Variants in GABRA2 observed in about 807,000 individuals in gnomAD.
GABRA2 encodes gamma-aminobutyric acid receptor subunit alpha-2.
In GABRA2, 16 loss-of-function variants were observed where a neutral mutation model predicts 48.7. That is an observed-to-expected ratio of 0.33 (90% CI 0.22 to 0.50). GABRA2 has a LOEUF of 0.50. Ranked by LOEUF, GABRA2 falls within the 20% of genes least tolerant of loss-of-function variation. The pLI is 0.98. For missense variants in GABRA2, 275 were observed against 535.6 expected (o/e 0.51, Z 4.80); for synonymous variants, 185 against 184.5 (o/e 1.00, Z -0.02).
chr4:46,301,497 TTCTA>T (rs1725727393), intron 8 of GABRA2, among the ~76,000 whole-genome samples: 1 of 152,126 alleles, frequency 6.6e-6, no homozygotes, highest in Non-Finnish European at 1.5e-5. Context: ...TCAAACTATT[TTCTA>T]TCTATGTCTC....
chr4:46,360,615 T>C (rs1170369569), intron 3 of GABRA2, among the ~76,000 whole-genome samples: 2 of 152,208 alleles, frequency 1.3e-5, no homozygotes, highest in East Asian at 1.9e-4. Flanking sequence ...AGTAAATTGG[T>C]ACCAGTAGAG....
chr4:46,300,231 T>G (rs2109603787), intron 8 of GABRA2, among the ~76,000 whole-genome samples: 1 of 152,108 alleles, frequency 6.6e-6, no homozygotes, highest in Admixed American at 6.6e-5. Context: ...AACCTTCTAC[T>G]AGTCAAATTC....
chr4:46,278,330 G>A (rs554276316), intron 8 of GABRA2, among the ~76,000 whole-genome samples: 1 of 152,232 alleles, frequency 6.6e-6, no homozygotes, highest in African/African-American at 2.4e-5. Flanking sequence ...GGATCCCTAT[G>A]GGGTAGATAG....
rs551985109 is a variant in GABRA2 at position 46,289,503 on chromosome 4, A to C, written c.856+13957T>G. ...TATAAGTGGTAGCTAAATGATGAGG[A>C]CACATGGACACATAGGGAGGAACAA... On this transcript the variant is annotated intron_variant, in intron 8 of 9. Coordinates refer to ENST00000381620, the MANE Select transcript of GABRA2 (RefSeq NM_000807.4). 9.8e-5 allele frequency among the ~76,000 whole-genome samples: 15 copies of C among 152,326 alleles called. No homozygotes were observed. The South Asian group carries it at 3.1e-3, about 32-fold the overall frequency.
intron 8 of GABRA2, among the ~76,000 whole-genome samples, chr4:46,294,710 G>T (rs1724311137): frequency 6.6e-6 from 1 of 150,730 alleles, no homozygotes; most frequent in Non-Finnish European, 1.5e-5. Context: ...TAAGATTTTG[G>T]AGAAAAGCCC....
chr4:46,295,605 A>G (rs1036438798), intron 8 of GABRA2, among the ~76,000 whole-genome samples: 3 of 152,284 alleles, frequency 2.0e-5, no homozygotes, highest in African/African-American at 7.2e-5. Flanking sequence ...GAGCTTATGC[A>G]TGGGCTCAGC....
intron 3 of GABRA2, among the ~76,000 whole-genome samples, chr4:46,373,389 G>C (rs1344339137): frequency 6.6e-6 from 1 of 152,150 alleles, no homozygotes; most frequent in Admixed American, 6.5e-5. Context: ...AAGTTGAAAT[G>C]AATCTGTTAC....
In GABRA2 at chr4:46,297,971, A is replaced by G. The variant is rs1041089224; in HGVS notation, c.856+5489T>C. Among the ~76,000 whole-genome samples the G allele has an allele frequency of 3.3e-5, 5 of 152,004 alleles. 1 individual carries two copies. The highest frequency in any genetic ancestry group is 1.2e-4 in the African/African-American group (5 of 41,396). On this transcript the variant is annotated intron_variant, in intron 8 of 9. Coordinates refer to ENST00000381620, the MANE Select transcript of GABRA2 (RefSeq NM_000807.4). Reference sequence around the variant, plus strand: ...CCCTCAAGGTATTTTATAATTTCCCATGTGATTTATTATTTAATCCATTTG... The same window carrying G: ...CCCTCAAGGTATTTTATAATTTCCCGTGTGATTTATTATTTAATCCATTTG...
Position 46,389,848 on chromosome 4 carries a change from A to AGAGAGAGG in GABRA2, c.-125_-124insCCTCTCTC, listed in dbSNP as rs1718011522. ...GAGAGAGAGAGAGAGAGAGAGAGAG[A>AGAGAGAGG]GAGAGAGAGAGAGACCGAGACTGCA... On this transcript the variant is annotated 5_prime_UTR_variant, in exon 1 of 10. Coordinates refer to ENST00000381620, the MANE Select transcript of GABRA2 (RefSeq NM_000807.4). 1 of 980,036 alleles carries AGAGAGAGG rather than the reference A, an allele frequency of 1.0e-6. No homozygotes were observed. The highest frequency in any genetic ancestry group is 1.8e-5 in the African/African-American group (1 of 55,448). The allele number at this position is 980,036 out of a possible 1,614,324, so 60.7% of individuals were successfully genotyped here. A position where few individuals can be genotyped will look rare whatever the true frequency, so the allele number is the denominator to read the frequency against.
chr4:46,297,216 C>T (rs550252796), intron 8 of GABRA2, among the ~76,000 whole-genome samples: 1 of 151,828 alleles, frequency 6.6e-6, no homozygotes, highest in Non-Finnish European at 1.5e-5. Flanking sequence ...GTCAGATCCA[C>T]CCTTAATATG....
In GABRA2 at chr4:46,244,708, G is replaced by A. The variant is rs1323295963; in HGVS notation, c.*5600C>T. Among the ~76,000 whole-genome samples, 1 of 151,448 alleles carries A rather than the reference G, an allele frequency of 6.6e-6. No individual in the cohort carries two copies. The highest frequency in any genetic ancestry group is 1.5e-5 in the Non-Finnish European group (1 of 67,608). ...AAAATTAGAAAAAAAAGGAAATGAAGGAAGTGCTTACTTTTGCTTAATCAA... is the reference window on the plus strand; with the variant it reads ...AAAATTAGAAAAAAAAGGAAATGAAAGAAGTGCTTACTTTTGCTTAATCAA... On this transcript the variant is annotated 3_prime_UTR_variant, in exon 10 of 10. Transcript: ENST00000381620.
chr4:46,323,757 C>T (rs1729854611), intron 4 of GABRA2, among the ~76,000 whole-genome samples: 1 of 150,978 alleles, frequency 6.6e-6, no homozygotes, highest in South Asian at 2.1e-4. Context: ...GGTATGAACG[C>T]CATGTGGTGG....
chr4:46,250,437 T>C lies in GABRA2; in HGVS notation c.1227A>G (p.Lys409=). The change falls in exon 10 of 10, where the codon AAA becomes AAG. Residue 409 remains lysine, a synonymous_variant. Transcript: ENST00000381620. The part of the protein sequence containing the change: ...KPENKPAEAK[K]TFNSVSKIDR... The stretch of plus-strand genomic sequence containing the variant: ...CAATTTTGCTAACACTGTTGAAAGT[T>C]TTCTTTGCTTCAGCTGGCTTGTTTT... 1 of 1,612,042 alleles carries C rather than the reference T, an allele frequency of 6.2e-7. No individual in the cohort carries two copies. The highest frequency in any genetic ancestry group is 1.1e-5 in the South Asian group (1 of 91,052).
At chr4:46,278,970 T>C (rs1721009315) in intron 8 of GABRA2, among the ~76,000 whole-genome samples, 1 of 151,560 alleles carries the variant, frequency 6.6e-6, no homozygotes, top group Non-Finnish European at 1.5e-5. Flanking sequence ...GATAATTTAA[T>C]AATTATATAT....
intron 3 of GABRA2, among the ~76,000 whole-genome samples, chr4:46,339,307 T>C (rs1732800459): frequency 6.6e-6 from 1 of 151,868 alleles, no homozygotes; most frequent in African/African-American, 2.4e-5. Context: ...CTATACTGGA[T>C]AGAAGAGCCG....
intron 3 of GABRA2, among the ~76,000 whole-genome samples, chr4:46,375,731 A>G (rs967619884): frequency 1.3e-5 from 2 of 152,222 alleles, no homozygotes; most frequent in African/African-American, 4.8e-5. Flanking sequence ...CTTAATTAAG[A>G]AGAGAAAGAA....
chr4:46,272,255 T>C (rs550482532), intron 8 of GABRA2, among the ~76,000 whole-genome samples: 3 of 152,116 alleles, frequency 2.0e-5, no homozygotes, highest in Non-Finnish European at 4.4e-5. Context: ...CAATAAATTA[T>C]ATGGATTAGA....
intron 4 of GABRA2, among the ~76,000 whole-genome samples, chr4:46,324,143 C>A (rs903764946): frequency 6.6e-6 from 1 of 152,012 alleles, no homozygotes. Flanking sequence ...GTTGCTTTTA[C>A]CACAATCAGC....
intron 8 of GABRA2, among the ~76,000 whole-genome samples, chr4:46,271,284 T>C (rs544160387): frequency 6.6e-6 from 1 of 151,778 alleles, no homozygotes; most frequent in Non-Finnish European, 1.5e-5. Flanking sequence ...GGCCAATGGA[T>C]AAAAATTGAA....
Sources: gnomAD v4.1 joint callset for allele counts (sites outside exome capture counted in the v4.1 genomes callset) on GRCh38, gnomAD v4.1.1 for gene constraint, MANE v1.5 for transcripts, NCBI Gene and HGNC (gene_info 2026-07-23, HGNC 2026-07-21) for gene names.